Variants in ENOSF1 observed in about 807,000 individuals in gnomAD.
ENOSF1 encodes enolase superfamily member 1, also known as mitochondrial enolase superfamily member 1.
Under a neutral mutation model 68.2 loss-of-function variants are expected in ENOSF1, and 73 were observed. The observed-to-expected ratio is 1.07, with a 90% CI of 0.89 to 1.30. ENOSF1 has a LOEUF of 1.30. ENOSF1 is among the 50% of genes most tolerant of loss of function. The probability of loss-of-function intolerance (pLI) is 0.00; values close to 1 mark genes in which losing one functional copy is unlikely to be tolerated. For missense variants in ENOSF1, 589 were observed against 554.5 expected (o/e 1.06, Z -0.62); for synonymous variants, 223 against 210.4 (o/e 1.06, Z -0.52).
chr18:664,543 T>G, the ENOSF1 span, among the ~76,000 whole-genome samples: 2 of 136,772 alleles, frequency 1.5e-5, no homozygotes, highest in African/African-American at 6.0e-5. Context: ...GGCCAGAACT[T>G]CCAACACTAT....
rs763957714 is a variant in ENOSF1 at position 694,230 on chromosome 18, G to A, written c.396+18C>T. The A allele has an allele frequency of 7.5e-5, 121 of 1,612,670 alleles. No individual in the cohort carries two copies. Among genetic ancestry groups the A allele is most frequent in the Middle Eastern group, 1.6e-4 (1 of 6,078 alleles). ...TACAGCTCCCAGGAGCCTCCTGAGC[G>A]TTTGTGAGAGGGGTTACCTTTCCCT... On this transcript the variant is annotated intron_variant, in intron 4 of 15. Coordinates refer to ENST00000647584, the MANE Select transcript of ENOSF1 (RefSeq NM_017512.7).
At chr18:705,445 G>A (rs2078825384) in intron 2 of ENOSF1, among the ~76,000 whole-genome samples, 1 of 152,148 alleles carries the variant, frequency 6.6e-6, no homozygotes, top group Non-Finnish European at 1.5e-5. Context: ...TGACTTGCTG[G>A]GTAGCTGTCT....
In ENOSF1 at chr18:673,741, C is replaced by T. The variant is rs1175738951; in HGVS notation, c.*564G>A. The stretch of plus-strand genomic sequence containing the variant: ...TTTTTTTTTTTTTAAACTTTTATAA[C>T]CTTAAAGGGTTATTTTAAAATAATC... On this transcript the variant is annotated 3_prime_UTR_variant, in exon 16 of 16. Coordinates refer to ENST00000647584, the MANE Select transcript of ENOSF1 (RefSeq NM_017512.7). The T allele has an allele frequency of 7.1e-6, 1 of 140,520 alleles. No homozygotes were observed. The highest frequency in any genetic ancestry group is 2.7e-5 in the African/African-American group (1 of 36,870). The allele number at this position is 140,520 out of a possible 1,614,324, so 8.7% of individuals were successfully genotyped here.
At position 697,349 on chromosome 18, in the gene ENOSF1, C is replaced by T. The variant is rs746367017; in HGVS notation, c.200G>A (p.Cys67Tyr). 23 of 1,610,472 alleles carry T rather than the reference C, an allele frequency of 1.4e-5. No individual in the cohort carries two copies. The highest frequency in any genetic ancestry group is 2.0e-5 in the Non-Finnish European group (23 of 1,178,368). The change falls in exon 3 of 16, where the codon TGT (cysteine) becomes TAT (tyrosine). Residue 67 changes from cysteine (C) to tyrosine (Y), a missense_variant. Physicochemically the swap from Cys to Tyr is radical, Grantham distance 194. Transcript: ENST00000647584. ...ATGGTGGGCGAGGGCATTCACAGCA[C>T]AGACAACTATTTAAAAAGGATTGAA... ...TLGKGTEVVVCAVNALAHHVL... is the reference protein window; with the variant it reads ...TLGKGTEVVVYAVNALAHHVL...
intron 1 of ENOSF1, among the ~76,000 whole-genome samples, chr18:707,165 G>C (rs1211335024): frequency 6.6e-6 from 1 of 152,042 alleles, no homozygotes; most frequent in Admixed American, 6.6e-5. Context: ...GTTAAAAAAT[G>C]AGGCTCAATT....
intron 9 of ENOSF1, chr18:687,152 A>G (rs530132633): frequency 8.5e-5 from 13 of 152,300 alleles, no homozygotes; most frequent in African/African-American, 2.9e-4. Context: ...ATTTCTACTG[A>G]GAGAAAATGA....
chr18:704,249 T>C (rs909034561), intron 2 of ENOSF1, among the ~76,000 whole-genome samples: 1 of 151,736 alleles, frequency 6.6e-6, no homozygotes, highest in Non-Finnish European at 1.5e-5. Flanking sequence ...CCAAACATGG[T>C]GAAACCTCAT....
At chr18:710,373 G>T (rs1329296563) in intron 1 of ENOSF1, among the ~76,000 whole-genome samples, 3 of 151,898 alleles carry the variant, frequency 2.0e-5, no homozygotes, top group Non-Finnish European at 4.4e-5. Context: ...GCCTTCCAAA[G>T]TGCTGGGATT....
At chr18:692,982 T>C (rs977476507) in intron 5 of ENOSF1, 2 of 1,177,066 alleles carry the variant, frequency 1.7e-6, no homozygotes, top group African/African-American at 1.6e-5. Context: ...CATTTGTGGA[T>C]CACGAGGTTT....
chr18:712,595 G>C lies in ENOSF1; in HGVS notation c.-8C>G. 6.5e-7 allele frequency: 1 copy of C among 1,532,690 alleles called. No homozygotes were observed. Among genetic ancestry groups the C allele is most frequent in the Non-Finnish European group, 8.7e-7 (1 of 1,143,734 alleles). The allele number at this position is 1,532,690 out of a possible 1,614,324, so 94.9% of individuals were successfully genotyped here. ...GATCCTGCCGCGCACCATGGCCCCTGCGCCCCGTGGCCGCGGCCCCCGTGC... is the reference window on the plus strand; with the variant it reads ...GATCCTGCCGCGCACCATGGCCCCTCCGCCCCGTGGCCGCGGCCCCCGTGC... On this transcript the variant is annotated 5_prime_UTR_variant, in exon 1 of 16. Coordinates refer to ENST00000647584, the MANE Select transcript of ENOSF1 (RefSeq NM_017512.7).
At position 673,662 on chromosome 18, in the gene ENOSF1, AT is replaced by A. The variant is rs1278421198; in HGVS notation, c.*642del. 1 of 167,232 alleles carries A rather than the reference AT, an allele frequency of 6.0e-6. No homozygotes were observed. Among genetic ancestry groups the A allele is most frequent in the Non-Finnish European group, 1.3e-5 (1 of 77,778 alleles). 10.4% of individuals were successfully genotyped at this position (167,232 alleles called of 1,614,324 possible). The stretch of plus-strand genomic sequence containing the variant: ...GAATATATTTTGCCCTATTTTTCTC[AT>A]TTTAACTGCATCTTATCCTCAAAAT... On this transcript the variant is annotated 3_prime_UTR_variant, in exon 16 of 16. Coordinates refer to ENST00000647584, the MANE Select transcript of ENOSF1 (RefSeq NM_017512.7).
At chr18:697,428 A>G in intron 2 of ENOSF1, 73 bp from the exon 3 acceptor site, 1 of 1,125,262 alleles carries the variant, frequency 8.9e-7, no homozygotes, top group South Asian at 1.3e-5. Flanking sequence ...AAAACATCAC[A>G]AACAAACAAA....
At chr18:712,310 G>C in intron 1 of ENOSF1, 194 bp downstream of exon 1, 1 of 1,483,128 alleles carries the variant, frequency 6.7e-7, no homozygotes, top group South Asian at 1.2e-5. Context: ...GGGGCCCGCA[G>C]AGCTGCAGTC....
chr18:666,241 C>T (rs888572440), downstream of ENOSF1, among the ~76,000 whole-genome samples: 3 of 151,248 alleles, frequency 2.0e-5, no homozygotes, highest in African/African-American at 7.3e-5. Context: ...GGTTGGTGTT[C>T]GTGCTGGGGA....
At chr18:704,834 T>A (rs1339151746) in intron 2 of ENOSF1, among the ~76,000 whole-genome samples, 1 of 152,088 alleles carries the variant, frequency 6.6e-6, no homozygotes. Context: ...TTGAACTGCT[T>A]GACTCAAGCA....
At chr18:675,425 G>C (rs760547338) in intron 14 of ENOSF1, 23 bp from the exon 15 acceptor site, 7 of 1,592,832 alleles carry the variant, frequency 4.4e-6, no homozygotes, top group Non-Finnish European at 6.0e-6. Context: ...AATCAGATCG[G>C]GGCAATGATG....
chr18:697,386 G>T, intron 2 of ENOSF1, 31 bp from the exon 3 acceptor site: 1 of 1,462,084 alleles, frequency 6.8e-7, no homozygotes, highest in Non-Finnish European at 9.6e-7. Context: ...TCTTGTTTAT[G>T]CTTCTATACT....
rs949508652 is a variant in ENOSF1, at chr18:671,649, T to C, written c.*2656A>G. ...CCTCAGCAACCATGGGCACTTAACA[T>C]GTCAGGTGCTGTGAGGTACTAAGCA... On this transcript the variant is annotated 3_prime_UTR_variant, in exon 16 of 16. Transcript: ENST00000647584. 1.7e-6 allele frequency: 1 copy of C among 598,418 alleles called. No homozygotes were observed. Among genetic ancestry groups the C allele is most frequent in the Non-Finnish European group, 2.9e-6 (1 of 341,820 alleles). 37.1% of individuals were successfully genotyped at this position (598,418 alleles called of 1,614,324 possible). A position where few individuals can be genotyped will look rare whatever the true frequency, so the allele number is the denominator to read the frequency against.
At chr18:685,055 A>T (rs752256611) in intron 10 of ENOSF1, among the ~76,000 whole-genome samples, 2 of 151,912 alleles carry the variant, frequency 1.3e-5, no homozygotes, top group African/African-American at 2.4e-5. Context: ...TTAGAGAGAG[A>T]GTCTTGCTAT....
Sources: gnomAD v4.1 joint callset for allele counts (sites outside exome capture counted in the v4.1 genomes callset) on GRCh38, gnomAD v4.1.1 for gene constraint, MANE v1.5 for transcripts, NCBI Gene and HGNC (gene_info 2026-07-23, HGNC 2026-07-21) for gene names.